TMEM70: variants seen among roughly 807,000 people sequenced by gnomAD.
TMEM70 encodes the protein transmembrane protein 70, mitochondrial.
In TMEM70, 15 loss-of-function variants were observed where a neutral mutation model predicts 20.5. The observed-to-expected ratio is 0.73, with a 90% CI of 0.49 to 1.13. The LOEUF (loss-of-function observed/expected upper bound fraction) is 1.13. TMEM70 is among the 50% of genes most tolerant of loss of function. The pLI is 0.00. For synonymous variants in TMEM70, 141 were observed against 134.2 expected, an observed-to-expected ratio of 1.05 and a Z score of -0.35; for missense variants, 344 against 331.7, an observed-to-expected ratio of 1.04 and a Z score of -0.29.
chr8:73,979,055 A>G (rs1305147840), intron 2 of TMEM70, 194 bp downstream of exon 2: 1 of 706,868 alleles, frequency 1.4e-6, no homozygotes, highest in East Asian at 2.9e-5. Flanking sequence ...TTTATTTGAG[A>G]CAGAGTCTCA....
Position 73,981,451 on chromosome 8 carries a change from G to T in TMEM70, c.613G>T (p.Ala205Ser), listed in dbSNP as rs146178894. 4 of 1,614,048 alleles carry T rather than the reference G, an allele frequency of 2.5e-6. No individual in the cohort carries two copies. In the African/African-American group the frequency reaches 4.0e-5, roughly 16 times the overall value. The change falls in exon 3 of 3, where the codon GCT becomes TCT. Residue 205 changes from alanine (A) to serine (S), a missense_variant. Transcript: ENST00000312184. Reference protein sequence around the residue: ...FHQNDVKIPDAKHVFTTFYAK... With the variant: ...FHQNDVKIPDSKHVFTTFYAK... ...CCAGAATGATGTGAAGATTCCAGAT[G>T]CTAAACATGTATTTACCACATTTTA...
chr8:73,976,967 C>T (rs1303433018), intron 1 of TMEM70, among the ~76,000 whole-genome samples: 2 of 152,148 alleles, frequency 1.3e-5, no homozygotes, highest in Admixed American at 6.5e-5. Flanking sequence ...AATAAATTGT[C>T]TTCTAATTCT....
chr8:73,981,494 T>C lies in TMEM70; in HGVS notation c.656T>C (p.Leu219Pro), dbSNP rs1047574845. 1.2e-6 allele frequency: 2 copies of C among 1,614,000 alleles called. No homozygotes were observed. Among genetic ancestry groups the C allele is most frequent in the Non-Finnish European group, 1.7e-6 (2 of 1,179,882 alleles). The change falls in exon 3 of 3, where the codon CTG becomes CCG. Residue 219 changes from leucine (L) to proline (P), a missense_variant. Transcript: ENST00000312184. ...FTTFYAKTKS[L>P]LVNPVLFPNR... is the part of the protein sequence containing the mutation. ...ACATTTTATGCTAAAACAAAATCAC[T>C]GTTAGTTAATCCAGTGCTCTTTCCA...
At chr8:73,979,120 G>A (rs775366364) in intron 2 of TMEM70, 11 of 563,426 alleles carry the variant, frequency 2.0e-5, no homozygotes, top group East Asian at 4.1e-5. Context: ...CATACTCTTC[G>A]CCTCCCATGT....
Position 73,978,774 on chromosome 8 carries a change from G to T in TMEM70, c.229G>T (p.Gly77Ter). 1 of 1,613,970 alleles carries T rather than the reference G, an allele frequency of 6.2e-7. No individual in the cohort carries two copies. Among genetic ancestry groups the T allele is most frequent in the Non-Finnish European group, 8.5e-7 (1 of 1,179,894 alleles). ...GRAQIPVYWEGYVRFLNTPSD... is the reference protein window; with the variant it reads ...GRAQIPVYWE ...TCAATAGATCCCTGTTTATTGGGAA[G>T]GATATGTTCGATTCTTAAATACGCC... The change falls in exon 2 of 3, where the codon GGA becomes TGA. Residue 77 changes from glycine (G) to a stop codon, truncating the protein, a stop_gained. Coordinates refer to ENST00000312184, the MANE Select transcript of TMEM70 (RefSeq NM_017866.6). LOFTEE classifies it high-confidence loss of function.
chr8:73,981,916 A>G lies in TMEM70; in HGVS notation c.*295A>G, dbSNP rs1221801561. The G allele has an allele frequency of 1.9e-6, 1 of 534,604 alleles. No individual in the cohort carries two copies. The highest frequency in any genetic ancestry group is 4.7e-5 in the East Asian group (1 of 21,290). The allele number at this position is 534,604 out of a possible 1,614,324, so 33.1% of individuals were successfully genotyped here. On this transcript the variant is annotated 3_prime_UTR_variant, in exon 3 of 3. Transcript: ENST00000312184. ...ACTGGGGATCTGATGTCAGTAGCAA[A>G]TGGGAGAGTTGCTTTATTCTTTGTG...
intron 1 of TMEM70, 89 bp downstream of exon 1, chr8:73,976,580 C>T (rs1408233780): frequency 1.9e-5 from 24 of 1,286,968 alleles, no homozygotes; most frequent in Non-Finnish European, 2.5e-5. Context: ...TCTTCGCGAC[C>T]TCTCCCAGGT....
intron 1 of TMEM70, among the ~76,000 whole-genome samples, chr8:73,978,544 G>A (rs1815709050): frequency 6.6e-6 from 1 of 151,672 alleles, no homozygotes; most frequent in African/African-American, 2.4e-5. Context: ...ACAGAAATTA[G>A]CCGGGTGTGG....
Position 73,977,019 on chromosome 8 carries a change from G to C in TMEM70, c.210+528G>C, listed in dbSNP as rs370509859. 5.3e-5 allele frequency among the ~76,000 whole-genome samples: 8 copies of C among 152,212 alleles called. 1 individual carries two copies. Among genetic ancestry groups the C allele is most frequent in the African/African-American group, 1.9e-4 (8 of 41,512 alleles). Reference sequence around the variant, plus strand: ...GGATTGGCAAACCTGGTTAAAACTTGGAAGAAATGCTTAAAATGGAAATTG... The same window carrying C: ...GGATTGGCAAACCTGGTTAAAACTTCGAAGAAATGCTTAAAATGGAAATTG... On this transcript the variant is annotated intron_variant, in intron 1 of 2. Coordinates refer to ENST00000312184, the MANE Select transcript of TMEM70 (RefSeq NM_017866.6).
chr8:73,978,973 G>T, intron 2 of TMEM70, 112 bp downstream of exon 2: 1 of 1,329,070 alleles, frequency 7.5e-7, no homozygotes, highest in Non-Finnish European at 1.0e-6. Context: ...CAAGACGTAA[G>T]GAAAATTAGA....
Position 73,982,456 on chromosome 8 carries a change from C to A in TMEM70, c.*835C>A. 1 of 799,144 alleles carries A rather than the reference C, an allele frequency of 1.3e-6. No individual in the cohort carries two copies. The highest frequency in any genetic ancestry group is 2.1e-6 in the Non-Finnish European group (1 of 474,850). 49.5% of individuals were successfully genotyped at this position (799,144 alleles called of 1,614,324 possible). On this transcript the variant is annotated 3_prime_UTR_variant, in exon 3 of 3. Transcript: ENST00000312184. ...TTGAGCCAGGAGTTGAGATGGAAGT[C>A]ACCATTGCAAATGCTTAAGTCAACT...
Position 73,982,509 on chromosome 8 carries a change from A to G in TMEM70, c.*888A>G. On this transcript the variant is annotated 3_prime_UTR_variant, in exon 3 of 3. Coordinates refer to ENST00000312184, the MANE Select transcript of TMEM70 (RefSeq NM_017866.6). The stretch of plus-strand genomic sequence containing the variant: ...TTTCATAAATTGATTACCAGTTGTT[A>G]AAAAATTTTCAAAAAACCGCAAAAT... 1.6e-6 allele frequency: 1 copy of G among 631,868 alleles called. No homozygotes were observed. The highest frequency in any genetic ancestry group is 2.9e-6 in the Non-Finnish European group (1 of 342,132). The allele number at this position is 631,868 out of a possible 1,614,324, so 39.1% of individuals were successfully genotyped here.
At position 73,981,381 on chromosome 8, in the gene TMEM70, C is replaced by T. The variant is rs755167972; in HGVS notation, c.543C>T (p.Ala181=). Residue 181 remains alanine (A), a synonymous_variant, in exon 3 of 3, where the codon GCC becomes GCT. Transcript: ENST00000312184. ...YHEATTDTYK[A]ITYNAMLAET... The stretch of plus-strand genomic sequence containing the variant: ...AGGCCACAACAGACACTTATAAAGC[C>T]ATTACCTACAATGCTATGCTTGCAG... 6.2e-7 allele frequency: 1 copy of T among 1,614,180 alleles called. No individual in the cohort carries two copies. The highest frequency in any genetic ancestry group is 1.1e-5 in the South Asian group (1 of 91,074).
rs781066085 is a variant in TMEM70 at position 73,982,262 on chromosome 8, G to A, written c.*641G>A. 3.3e-6 allele frequency: 2 copies of A among 598,310 alleles called. No homozygotes were observed. The highest frequency in any genetic ancestry group is 3.2e-6 in the Non-Finnish European group (1 of 311,316). 37.1% of individuals were successfully genotyped at this position (598,310 alleles called of 1,614,324 possible). ...ACTTGATCTGAGGAGCAAAGGAAAA[G>A]AATCAGTGAAAGGACCAGTTTGAAT... On this transcript the variant is annotated 3_prime_UTR_variant, in exon 3 of 3. Coordinates refer to ENST00000312184, the MANE Select transcript of TMEM70 (RefSeq NM_017866.6).
intron 1 of TMEM70, among the ~76,000 whole-genome samples, chr8:73,978,247 G>A (rs994820487): frequency 1.3e-5 from 2 of 151,314 alleles, no homozygotes; most frequent in African/African-American, 4.8e-5. Flanking sequence ...CACCATGCCC[G>A]GCTAATTGTT....
At position 73,982,442 on chromosome 8, in the gene TMEM70, G is replaced by T; in HGVS notation, c.*821G>T. The T allele has an allele frequency of 1.3e-6, 1 of 788,236 alleles. No homozygotes were observed. The highest frequency in any genetic ancestry group is 1.3e-5 in the South Asian group (1 of 75,942). 48.8% of individuals were successfully genotyped at this position (788,236 alleles called of 1,614,324 possible). A position where few individuals can be genotyped will look rare whatever the true frequency, so the allele number is the denominator to read the frequency against. On this transcript the variant is annotated 3_prime_UTR_variant, in exon 3 of 3. Coordinates refer to ENST00000312184, the MANE Select transcript of TMEM70 (RefSeq NM_017866.6). ...TACTTCCATCAGTATTGAGCCAGGA[G>T]TTGAGATGGAAGTCACCATTGCAAA...
rs777840397 is a variant in TMEM70, at chr8:73,976,231, A to G, written c.-51A>G. Reference sequence around the variant, plus strand: ...AGTCGGGTGGGAAGCCGTGTCTCGCAGTCGTGGACTCGTGCAGCTGGGGCG... The same window carrying G: ...AGTCGGGTGGGAAGCCGTGTCTCGCGGTCGTGGACTCGTGCAGCTGGGGCG... On this transcript the variant is annotated 5_prime_UTR_variant, in exon 1 of 3. Coordinates refer to ENST00000312184, the MANE Select transcript of TMEM70 (RefSeq NM_017866.6). 2 of 1,526,732 alleles carry G rather than the reference A, an allele frequency of 1.3e-6. No homozygotes were observed. Among genetic ancestry groups the G allele is most frequent in the Admixed American group, 1.8e-5 (1 of 56,388 alleles). 94.6% of individuals were successfully genotyped at this position (1,526,732 alleles called of 1,614,324 possible).
In TMEM70 at chr8:73,981,485, C is replaced by T. The variant is rs1586636921; in HGVS notation, c.647C>T (p.Thr216Ile). 5.6e-6 allele frequency: 9 copies of T among 1,613,872 alleles called. No homozygotes were observed. Among genetic ancestry groups the T allele is most frequent in the Non-Finnish European group, 6.8e-6 (8 of 1,179,924 alleles). Residue 216 changes from threonine to isoleucine, a missense_variant, in exon 3 of 3, where the codon ACA (threonine) becomes ATA (isoleucine). Thr to Ile is a moderately conservative substitution (Grantham distance 89). Transcript: ENST00000312184. ...GTATTTACCACATTTTATGCTAAAA[C>T]AAAATCACTGTTAGTTAATCCAGTG... Reference protein sequence around the residue: ...KHVFTTFYAKTKSLLVNPVLF... With the variant: ...KHVFTTFYAKIKSLLVNPVLF...
chr8:73,980,395 G>A (rs1190297129), intron 2 of TMEM70, among the ~76,000 whole-genome samples: 1 of 149,902 alleles, frequency 6.7e-6, no homozygotes, highest in East Asian at 2.0e-4. Flanking sequence ...TTGAGATGGA[G>A]TCTCGCTTTG....
Sources: allele counts gnomAD v4.1 joint callset (sites outside exome capture counted in the v4.1 genomes callset), GRCh38; gene constraint gnomAD v4.1.1; transcripts MANE v1.5; gene names NCBI Gene and HGNC (gene_info 2026-07-23, HGNC 2026-07-21).